SVOPL: variants seen among roughly 807,000 people sequenced by gnomAD.
The protein encoded by SVOPL is putative transporter SVOPL.
SVOPL carries 60 observed loss-of-function variants against 61.0 expected under a neutral mutation model. That is an observed-to-expected ratio of 0.98 (90% CI 0.80 to 1.22). SVOPL has a LOEUF of 1.22. Ranked by LOEUF, SVOPL falls within the 50% of genes most tolerant of loss-of-function variation. The probability of loss-of-function intolerance (pLI) is 0.00; values close to 1 mark genes in which losing one functional copy is unlikely to be tolerated. For missense variants in SVOPL, 662 were observed against 643.9 expected (o/e 1.03, Z -0.30); for synonymous variants, 279 against 250.0 (o/e 1.12, Z -1.09).
In SVOPL at chr7:138,644,793, G is replaced by T. The variant is rs756807498; in HGVS notation, c.713C>A (p.Ala238Asp). The T allele has an allele frequency of 1.9e-6, 3 of 1,614,040 alleles. No homozygotes were observed. The African/African-American group carries it at 4.0e-5, about 22-fold the overall frequency. The part of the protein sequence containing the change: ...FNVSTGNTRA[A>D]LATLERVAKM... ...GGCAACGCGCTCCAGAGTGGCCAGGGCAGCCCGAGTGTTCCCAGTGGAGAC... is the reference window on the plus strand; with the variant it reads ...GGCAACGCGCTCCAGAGTGGCCAGGTCAGCCCGAGTGTTCCCAGTGGAGAC... Residue 238 changes from alanine to aspartate, a missense_variant, in exon 9 of 16, where the codon GCC (alanine) becomes GAC (aspartate). Ala to Asp is a moderately radical substitution (Grantham distance 126). Transcript: ENST00000674285.
At chr7:138,632,085 G>A (rs1800231404) in intron 9 of SVOPL, among the ~76,000 whole-genome samples, 1 of 152,100 alleles carries the variant, frequency 6.6e-6, no homozygotes, top group Admixed American at 6.6e-5. Context: ...GTAAGACTGT[G>A]ACCAGAATGA....
At chr7:138,692,909 G>A (rs1802974669) in intron 1 of SVOPL, among the ~76,000 whole-genome samples, 1 of 152,180 alleles carries the variant, frequency 6.6e-6, no homozygotes, top group Non-Finnish European at 1.5e-5. Flanking sequence ...AGAGTTGGAA[G>A]TCGGTGAGGA....
chr7:138,613,778 G>A (rs1426881499), intron 14 of SVOPL, among the ~76,000 whole-genome samples: 3 of 152,132 alleles, frequency 2.0e-5, no homozygotes, highest in African/African-American at 2.4e-5. Context: ...TTGTGGTGGT[G>A]TGCTGTCAAA....
intron 1 of SVOPL, among the ~76,000 whole-genome samples, chr7:138,693,896 A>G (rs1013633254): frequency 1.3e-5 from 2 of 152,218 alleles, no homozygotes; most frequent in Admixed American, 1.3e-4. Flanking sequence ...AATCTCTTAC[A>G]GCTCAGGAAG....
At chr7:138,615,950 G>T (rs1237071773) in intron 14 of SVOPL, among the ~76,000 whole-genome samples, 1 of 151,114 alleles carries the variant, frequency 6.6e-6, no homozygotes, top group African/African-American at 2.4e-5. Context: ...CGAGAAGAGA[G>T]CCCTCACTAG....
At chr7:138,677,075 T>C (rs1473988350) in intron 3 of SVOPL, among the ~76,000 whole-genome samples, 1 of 152,050 alleles carries the variant, frequency 6.6e-6, no homozygotes, top group African/African-American at 2.4e-5. Context: ...GTCTCATTTT[T>C]TTGTATTTTT....
chr7:138,644,727 T>C lies in SVOPL; in HGVS notation c.779A>G (p.Glu260Gly). Residue 260 changes from glutamate to glycine, a missense_variant, in exon 9 of 16, where the codon GAG becomes GGG. Transcript: ENST00000674285. The stretch of plus-strand genomic sequence containing the variant: ...GGGGCCAGCACTCACCAGGACGGGC[T>C]CCACCAGCTTCCCCTCCGGCATGAC... ...RSVMPEGKLV[E>G]PVLEKRGRFA... is the part of the protein sequence containing the mutation. 3.1e-6 allele frequency: 5 copies of C among 1,614,060 alleles called. No homozygotes were observed. The highest frequency in any genetic ancestry group is 4.2e-6 in the Non-Finnish European group (5 of 1,180,012).
chr7:138,700,325 T>A (rs1803162619), intron 1 of SVOPL, among the ~76,000 whole-genome samples: 1 of 144,272 alleles, frequency 6.9e-6, no homozygotes, highest in Non-Finnish European at 1.5e-5. Context: ...TGTTCTTTGG[T>A]TCCGTATGTC....
rs1432089691 is a variant in SVOPL, at chr7:138,660,989, G to GT, written c.346-1002dup. 51 of 982,560 alleles carry GT rather than the reference G, an allele frequency of 5.2e-5. 1 individual carries two copies. The South Asian group carries it at 1.9e-3, about 37-fold the overall frequency. 60.9% of individuals were successfully genotyped at this position (982,560 alleles called of 1,614,324 possible). A position where few individuals can be genotyped will look rare whatever the true frequency, so the allele number is the denominator to read the frequency against. Reference sequence around the variant, plus strand: ...TTTTTGATAACTCCTGTACTTTAATGTTTTTTCAAAGTTTCTTGATAATTT... The same window carrying GT: ...TTTTTGATAACTCCTGTACTTTAATGTTTTTTTCAAAGTTTCTTGATAATTT... On this transcript the variant is annotated intron_variant, in intron 5 of 15. Transcript: ENST00000674285.
intron 14 of SVOPL, 22 bp from the exon 15 acceptor site, chr7:138,596,552 C>A (rs1313973637): frequency 6.2e-7 from 1 of 1,611,218 alleles, no homozygotes; most frequent in Admixed American, 1.7e-5. Context: ...AAGAGAATTA[C>A]TCAATTTATT....
intron 1 of SVOPL, among the ~76,000 whole-genome samples, chr7:138,687,539 C>T (rs1802846662): frequency 6.6e-6 from 1 of 151,508 alleles, no homozygotes. Flanking sequence ...ACTTGCCCTA[C>T]ATTTTTTTTA....
intron 11 of SVOPL, 130 bp from the exon 12 acceptor site, chr7:138,627,591 C>A: frequency 3.0e-6 from 2 of 672,928 alleles, no homozygotes; most frequent in Non-Finnish European, 5.1e-6. Context: ...AGTATTCCAG[C>A]CAAAATCCAG....
At chr7:138,614,498 T>C (rs1019593558) in intron 14 of SVOPL, among the ~76,000 whole-genome samples, 1 of 150,978 alleles carries the variant, frequency 6.6e-6, no homozygotes, top group African/African-American at 2.4e-5. Flanking sequence ...TGGGTTCAAG[T>C]GACTCTCCCG....
At chr7:138,613,126 T>A (rs1799127804) in intron 14 of SVOPL, among the ~76,000 whole-genome samples, 1 of 151,568 alleles carries the variant, frequency 6.6e-6, no homozygotes, top group African/African-American at 2.4e-5. Flanking sequence ...TTCCAGCGAT[T>A]CTCCTGCCTC....
rs915205048 is a variant in SVOPL at position 138,600,876 on chromosome 7, A to G, written c.1354-4346T>C. On this transcript the variant is annotated intron_variant, in intron 14 of 15. Transcript: ENST00000674285. Reference sequence around the variant, plus strand: ...ACTGACTGTCAGTGGTAAAGCCACTATGGAAAATCCTGTGGATATTCCTAA... The same window carrying G: ...ACTGACTGTCAGTGGTAAAGCCACTGTGGAAAATCCTGTGGATATTCCTAA... Among the ~76,000 whole-genome samples the G allele has an allele frequency of 6.6e-5, 10 of 152,284 alleles. No individual in the cohort carries two copies. In the South Asian group the frequency reaches 8.3e-4, roughly 13 times the overall value.
At chr7:138,678,852 G>C (rs186454788) in intron 2 of SVOPL, 112 bp downstream of exon 2, 2 of 1,112,280 alleles carry the variant, frequency 1.8e-6, no homozygotes, top group African/African-American at 3.2e-5. Context: ...TTACAGGTGT[G>C]AGCCACCATG....
At chr7:138,603,071 A>G (rs1002511650) in intron 14 of SVOPL, among the ~76,000 whole-genome samples, 1 of 152,206 alleles carries the variant, frequency 6.6e-6, no homozygotes, top group Non-Finnish European at 1.5e-5. Flanking sequence ...ATCCACATAT[A>G]TACAAATATG....
At chr7:138,647,336 G>A (rs1048089686) in intron 8 of SVOPL, among the ~76,000 whole-genome samples, 10 of 152,008 alleles carry the variant, frequency 6.6e-5, no homozygotes, top group Admixed American at 5.9e-4. Flanking sequence ...AGCTGAGATC[G>A]CACCATTGCA....
At chr7:138,622,078 C>CTATCTATGTATT (rs1563096122) in intron 13 of SVOPL, among the ~76,000 whole-genome samples, 5 of 87,456 alleles carry the variant, frequency 5.7e-5, no homozygotes, top group African/African-American at 2.7e-4. Context: ...ATGTATCTAT[C>CTATCTATGTATT]TATCTATCTA....
Sources: gnomAD v4.1 joint callset for allele counts (sites outside exome capture counted in the v4.1 genomes callset) on GRCh38, gnomAD v4.1.1 for gene constraint, MANE v1.5 for transcripts, NCBI Gene and HGNC (gene_info 2026-07-23, HGNC 2026-07-21) for gene names.